CCSER1: variants seen among roughly 807,000 people sequenced by gnomAD.
CCSER1 encodes coiled-coil serine rich protein 1, also known as serine-rich coiled-coil domain-containing protein 1.
In CCSER1, 41 loss-of-function variants were observed where a neutral mutation model predicts 82.0. That is an observed-to-expected ratio of 0.50 (90% CI 0.39 to 0.65). The LOEUF is 0.65. CCSER1 is among the 30% of genes least tolerant of loss of function. The pLI is 0.00. For synonymous variants in CCSER1, 414 were observed against 383.9 expected, an observed-to-expected ratio of 1.08 and a Z score of -0.92; for missense variants, 1,119 against 1,064.2, an observed-to-expected ratio of 1.05 and a Z score of -0.72.
intron 10 of CCSER1, among the ~76,000 whole-genome samples, chr4:91,362,843 C>G (rs1453715340): frequency 6.6e-6 from 1 of 151,810 alleles, no homozygotes; most frequent in Admixed American, 6.6e-5. Context: ...AGCAGAATTA[C>G]TTGCTTTGCC....
At chr4:90,409,094 G>A (rs1754238939) in intron 4 of CCSER1, among the ~76,000 whole-genome samples, 1 of 152,138 alleles carries the variant, frequency 6.6e-6, no homozygotes, top group South Asian at 2.1e-4. Flanking sequence ...AGAATAAAAA[G>A]AAACAAACAA....
At chr4:90,321,152 C>G (rs1737082535) in intron 3 of CCSER1, among the ~76,000 whole-genome samples, 1 of 151,998 alleles carries the variant, frequency 6.6e-6, no homozygotes, top group Non-Finnish European at 1.5e-5. Flanking sequence ...CTATAAAGTA[C>G]TAGATCTTAT....
intron 3 of CCSER1, among the ~76,000 whole-genome samples, chr4:90,350,822 G>C (rs1743292155): frequency 6.6e-6 from 1 of 151,998 alleles, no homozygotes; most frequent in South Asian, 2.1e-4. Flanking sequence ...AAAAGAATCT[G>C]TTTCATAAAG....
chr4:90,461,433 C>T (rs1436674854), intron 4 of CCSER1, among the ~76,000 whole-genome samples: 1 of 152,118 alleles, frequency 6.6e-6, no homozygotes, highest in African/African-American at 2.4e-5. Flanking sequence ...TATCAATTCC[C>T]ATTAACTTTA....
chr4:90,373,702 TG>T (rs1219446894), intron 3 of CCSER1, among the ~76,000 whole-genome samples: 7 of 152,198 alleles, frequency 4.6e-5, no homozygotes, highest in Non-Finnish European at 8.8e-5. Flanking sequence ...CAATTCTTCA[TG>T]GGTCTCCAGC....
intron 10 of CCSER1, 127 bp from the exon 11 acceptor site, chr4:91,598,445 A>G: frequency 1.0e-6 from 1 of 974,602 alleles, no homozygotes; most frequent in Non-Finnish European, 1.5e-6. Context: ...AATTGTATTG[A>G]TAATTTTATA....
chr4:91,406,021 T>C (rs1190861475), intron 10 of CCSER1, among the ~76,000 whole-genome samples: 1 of 152,150 alleles, frequency 6.6e-6, no homozygotes, highest in Admixed American at 6.6e-5. Flanking sequence ...CCGATATATG[T>C]ATATTCTTAT....
intron 10 of CCSER1, among the ~76,000 whole-genome samples, chr4:91,157,136 TC>T (rs1318929355): frequency 1.3e-5 from 2 of 151,926 alleles, no homozygotes; most frequent in Admixed American, 6.6e-5. Flanking sequence ...TAATTTGCCC[TC>T]TAGAAAAATA....
intron 8 of CCSER1, among the ~76,000 whole-genome samples, chr4:90,837,862 G>A (rs1580713380): frequency 1.3e-5 from 2 of 152,084 alleles, no homozygotes; most frequent in Admixed American, 6.5e-5. Context: ...CATGAGTAAG[G>A]ATGATATTAT....
chr4:91,361,638 C>T (rs1749251559), intron 10 of CCSER1, among the ~76,000 whole-genome samples: 1 of 151,680 alleles, frequency 6.6e-6, no homozygotes, highest in South Asian at 2.1e-4. Flanking sequence ...TTAACAGAGA[C>T]TGCAAGTAGA....
chr4:91,064,026 T>A (rs1016174197), intron 9 of CCSER1, among the ~76,000 whole-genome samples: 3 of 152,192 alleles, frequency 2.0e-5, no homozygotes, highest in Admixed American at 2.0e-4. Context: ...TTTTCTTATC[T>A]TTTCTTTCAC....
chr4:91,120,923 T>C (rs1265904096), intron 10 of CCSER1, among the ~76,000 whole-genome samples: 1 of 151,856 alleles, frequency 6.6e-6, no homozygotes, highest in African/African-American at 2.4e-5. Flanking sequence ...AGTGAATGAG[T>C]ACTTCAAAAA....
chr4:90,661,967 G>A (rs995670712), intron 6 of CCSER1, among the ~76,000 whole-genome samples: 1 of 149,426 alleles, frequency 6.7e-6, no homozygotes, highest in South Asian at 2.1e-4. Flanking sequence ...GGACTGGCTT[G>A]TTTGTCCTAT....
chr4:90,802,111 G>A (rs1028071744), intron 7 of CCSER1, among the ~76,000 whole-genome samples: 3 of 151,684 alleles, frequency 2.0e-5, no homozygotes, highest in African/African-American at 2.4e-5. Flanking sequence ...TCAGCTACTT[G>A]GGAGGCTGAG....
At chr4:90,320,443 A>T (rs1451817823) in intron 3 of CCSER1, among the ~76,000 whole-genome samples, 1 of 152,164 alleles carries the variant, frequency 6.6e-6, no homozygotes, top group Non-Finnish European at 1.5e-5. Context: ...ACCAATTATG[A>T]CATTGTTCCA....
intron 1 of CCSER1, among the ~76,000 whole-genome samples, chr4:90,230,108 G>T (rs1744147682): frequency 6.6e-6 from 1 of 152,132 alleles, no homozygotes. Flanking sequence ...ACTCAGCTCT[G>T]CACCAAGCGG....
chr4:90,154,914 A>G (rs1450847444), intron 1 of CCSER1, among the ~76,000 whole-genome samples: 3 of 151,954 alleles, frequency 2.0e-5, no homozygotes, highest in Non-Finnish European at 4.4e-5. Flanking sequence ...TTCCAACACT[A>G]TGTTGAATAG....
rs534043259 is a variant in CCSER1 at position 91,073,592 on chromosome 4, A to G, written c.2173-12358A>G. Reference sequence around the variant, plus strand: ...TATCAACAATATAATTGGAAATTGAAACTGAATCAAAAATTTACACAACAA... The same window carrying G: ...TATCAACAATATAATTGGAAATTGAGACTGAATCAAAAATTTACACAACAA... On this transcript the variant is annotated intron_variant, in intron 9 of 10. Transcript: ENST00000509176. Among the ~76,000 whole-genome samples the G allele has an allele frequency of 4.6e-5, 7 of 152,276 alleles. 1 individual carries two copies. The South Asian group carries it at 1.4e-3, about 32-fold the overall frequency.
At chr4:90,681,878 G>T (rs1336779000) in intron 6 of CCSER1, among the ~76,000 whole-genome samples, 1 of 151,782 alleles carries the variant, frequency 6.6e-6, no homozygotes, top group Non-Finnish European at 1.5e-5. Context: ...CATATTGGGT[G>T]TTTACCACCT....
Sources: allele counts gnomAD v4.1 joint callset (sites outside exome capture counted in the v4.1 genomes callset), GRCh38; gene constraint gnomAD v4.1.1; transcripts MANE v1.5; gene names NCBI Gene and HGNC (gene_info 2026-07-23, HGNC 2026-07-21).